The following ANO1 variants were observed in gnomAD, a reference collection of about 807,000 sequenced individuals.
The protein encoded by ANO1 is anoctamin-1.
Under a neutral mutation model 124.0 loss-of-function variants are expected in ANO1, and 59 were observed. The observed-to-expected ratio is 0.48, with a 90% CI of 0.39 to 0.59. The LOEUF (loss-of-function observed/expected upper bound fraction) is 0.59, where lower values mean the gene tolerates loss of function less well. Ranked by LOEUF, ANO1 falls within the 20% of genes least tolerant of loss-of-function variation. ANO1 has a pLI of 0.00. For synonymous variants in ANO1, 529 were observed against 532.0 expected (o/e 0.99, Z 0.08); for missense variants, 1,059 against 1,328.0 (o/e 0.80, Z 3.15).
intron 1 of ANO1, chr11:70,085,345 C>G: frequency 7.0e-7 from 1 of 1,422,416 alleles, no homozygotes; most frequent in Non-Finnish European, 9.2e-7. Context: ...AAGCCACCCA[C>G]CCACATGGGC....
chr11:70,044,597 T>C lies in ANO1; in HGVS notation c.59-33945T>C, dbSNP rs371080790. ...TATTATTTACAATAGAATGCCAACT[T>C]ATAAATATAGAAGGAAACAATCAAT... is the stretch of plus-strand genomic sequence containing the variant. On this transcript the variant is annotated intron_variant, in intron 1 of 27. Coordinates refer to the ANO1 transcript ENST00000531349. Among the ~76,000 whole-genome samples, 8 of 152,154 alleles carry C rather than the reference T, an allele frequency of 5.3e-5. No individual in the cohort carries two copies. The East Asian group carries it at 5.8e-4, about 11-fold the overall frequency.
chr11:70,183,667 C>T (rs1440779863), intron 24 of ANO1, among the ~76,000 whole-genome samples: 1 of 152,192 alleles, frequency 6.6e-6, no homozygotes, highest in East Asian at 1.9e-4. Flanking sequence ...CATGGGAAAG[C>T]AGGTTGTGCA....
At chr11:70,035,927 A>T (rs782613256) in intron 1 of ANO1, among the ~76,000 whole-genome samples, 2 of 152,092 alleles carry the variant, frequency 1.3e-5, no homozygotes, top group African/African-American at 2.4e-5. Context: ...TCTATCATTG[A>T]TAGGCATTTA....
chr11:70,109,083 CCTT>C (rs2045669362), intron 6 of ANO1, among the ~76,000 whole-genome samples: 1 of 152,222 alleles, frequency 6.6e-6, no homozygotes, highest in Non-Finnish European at 1.5e-5. Flanking sequence ...TTCCTCCCCT[CCTT>C]CTTGAGCTGT....
chr11:70,023,863 GT>G (rs1856846315), intron 1 of ANO1, among the ~76,000 whole-genome samples: 1 of 152,194 alleles, frequency 6.6e-6, no homozygotes, highest in Admixed American at 6.5e-5. Flanking sequence ...CTGGCCTGTA[GT>G]TGCTCTGTGC....
At chr11:70,080,004 G>T (rs1227796102) in intron 1 of ANO1, among the ~76,000 whole-genome samples, 1 of 152,232 alleles carries the variant, frequency 6.6e-6, no homozygotes, top group African/African-American at 2.4e-5. Flanking sequence ...AGGAGCTCAG[G>T]GATTGCCATT....
intron 1 of ANO1, among the ~76,000 whole-genome samples, chr11:70,000,323 G>GT (rs1235136845): frequency 2.1e-3 from 20 of 9,550 alleles, no homozygotes; most frequent in African/African-American, 4.5e-3. Flanking sequence ...AGATGGGCCG[G>GT]GGGGGGATGC....
intron 1 of ANO1, among the ~76,000 whole-genome samples, chr11:69,998,324 C>T (rs1856313859): frequency 6.6e-6 from 1 of 152,222 alleles, no homozygotes; most frequent in South Asian, 2.1e-4. Flanking sequence ...CCCACCAATC[C>T]CCCCGCCCCA....
chr11:70,138,731 G>GC (rs1473770660), intron 11 of ANO1, among the ~76,000 whole-genome samples: 1 of 152,062 alleles, frequency 6.6e-6, no homozygotes, highest in African/African-American at 2.4e-5. Flanking sequence ...TGGTTTCTGA[G>GC]CCCCAAATAC....
the ANO1 span, among the ~76,000 whole-genome samples, chr11:69,968,131 A>G: frequency 1.3e-5 from 2 of 152,214 alleles, no homozygotes; most frequent in Non-Finnish European, 2.9e-5. Flanking sequence ...TGAATGGATG[A>G]GCAAGTGAGG....
chr11:70,072,828 C>A (rs782438636), intron 1 of ANO1: 8 of 152,350 alleles, frequency 5.3e-5, no homozygotes, highest in Non-Finnish European at 7.3e-5. Context: ...TGCAGGGGTG[C>A]CAACCTATGT....
At chr11:70,125,327 A>G (rs2046452867) in intron 9 of ANO1, among the ~76,000 whole-genome samples, 1 of 138,938 alleles carries the variant, frequency 7.2e-6, no homozygotes, top group Non-Finnish European at 1.6e-5. Flanking sequence ...TGGGCGACAG[A>G]GCAAGACTCC....
intron 1 of ANO1, among the ~76,000 whole-genome samples, chr11:70,035,324 G>C (rs1010782965): frequency 6.6e-6 from 1 of 152,156 alleles, no homozygotes; most frequent in African/African-American, 2.4e-5. Flanking sequence ...AGCGTGTGGA[G>C]AGAAAAGGAA....
chr11:70,132,166 A>G, intron 11 of ANO1, 87 bp downstream of exon 11: 2 of 1,446,344 alleles, frequency 1.4e-6, no homozygotes, highest in Non-Finnish European at 1.8e-6. Context: ...TTGCGAAATC[A>G]TCCTCAGGCA....
intron 9 of ANO1, 50 bp from the exon 10 acceptor site, chr11:70,126,011 C>T: frequency 1.3e-6 from 2 of 1,546,670 alleles, no homozygotes; most frequent in Non-Finnish European, 1.7e-6. Context: ...TGTTTCCCTG[C>T]TAGTATTGAA....
intron 2 of ANO1, among the ~76,000 whole-genome samples, chr11:70,098,506 C>T (rs1001402153): frequency 6.6e-6 from 1 of 152,210 alleles, no homozygotes; most frequent in Non-Finnish European, 1.5e-5. Flanking sequence ...CAGGCTTCAG[C>T]CCTCCAGCAC....
chr11:70,143,437 G>T (rs556400055), intron 11 of ANO1, among the ~76,000 whole-genome samples: 2 of 152,322 alleles, frequency 1.3e-5, no homozygotes, highest in East Asian at 3.9e-4. Flanking sequence ...TTGAGGCGGG[G>T]TGGGATGCAG....
At chr11:70,187,551 A>G (rs1315590415) in intron 25 of ANO1, among the ~76,000 whole-genome samples, 187 bp from the exon 26 acceptor site, 1 of 152,074 alleles carries the variant, frequency 6.6e-6, no homozygotes, top group African/African-American at 2.4e-5. Flanking sequence ...GTCGGCCAAC[A>G]TTTCCCAGAG....
chr11:69,980,629 C>T, the ANO1 span, among the ~76,000 whole-genome samples: 1 of 150,224 alleles, frequency 6.7e-6, no homozygotes, highest in Non-Finnish European at 1.5e-5. Context: ...AAAAAAAAAA[C>T]AAAAAACTGT....
Sources: gnomAD v4.1 joint callset for allele counts (sites outside exome capture counted in the v4.1 genomes callset) on GRCh38, gnomAD v4.1.1 for gene constraint, MANE v1.5 for transcripts, NCBI Gene and HGNC (gene_info 2026-07-23, HGNC 2026-07-21) for gene names.